The following INPP5A variants were observed in gnomAD, a reference collection of about 807,000 sequenced individuals.
INPP5A encodes the protein 43 kDa inositol polyphosphate 5-phophatase.
In INPP5A, 14 loss-of-function variants were observed where a neutral mutation model predicts 65.2. The ratio of observed to expected loss-of-function variants is 0.21; its 90% CI spans 0.14 to 0.34. INPP5A has a LOEUF of 0.34. Ranked by LOEUF, INPP5A falls within the 10% of genes least tolerant of loss-of-function variation. INPP5A has a pLI of 1.00. For missense variants in INPP5A, 431 were observed against 545.6 expected, an observed-to-expected ratio of 0.79 and a Z score of 2.09; for synonymous variants, 207 against 208.3, an observed-to-expected ratio of 0.99 and a Z score of 0.05.
At chr10:132,573,099 T>TGC (rs1733051652) in intron 1 of INPP5A, among the ~76,000 whole-genome samples, 1 of 139,698 alleles carries the variant, frequency 7.2e-6, no homozygotes, top group African/African-American at 2.8e-5. Context: ...GAGGTTTTGT[T>TGC]GATGTTGAGG....
At position 132,545,356 on chromosome 10, in the gene INPP5A, C is replaced by T. The variant is rs963571846; in HGVS notation, c.75+7185C>T. ...GGCATTCGGAAGACTTTGACCAGAT[C>T]GGGGCGGCTGAGGGGGCTGCCTACG... On this transcript the variant is annotated intron_variant, in intron 1 of 15. Transcript: ENST00000368594. This position sits in a 1 kb window ranked among gnomAD's most constrained non-coding sequence, Gnocchi z 4.6. Among the ~76,000 whole-genome samples the T allele has an allele frequency of 1.3e-5, 2 of 152,128 alleles. No individual in the cohort carries two copies. The highest frequency in any genetic ancestry group is 2.9e-5 in the Non-Finnish European group (2 of 68,032).
intron 6 of INPP5A, 89 bp from the exon 7 acceptor site, chr10:132,708,224 C>A (rs1413139218): frequency 3.5e-5 from 41 of 1,156,222 alleles, no homozygotes; most frequent in Non-Finnish European, 5.0e-5. Context: ...GTTTGGAAAG[C>A]ATCTCCTGTG....
At position 132,756,716 on chromosome 10, in the gene INPP5A, CCTT is replaced by C. The variant is rs138559859; in HGVS notation, c.903+6874_903+6876del. 2.8e-3 allele frequency among the ~76,000 whole-genome samples: 429 copies of C among 152,348 alleles called. 7 individuals are homozygous for C. Among genetic ancestry groups the C allele is most frequent in the African/African-American group, 8.6e-3 (357 of 41,574 alleles). The stretch of plus-strand genomic sequence containing the variant: ...CTTCTTACCATTACTGTAATGCACT[CCTT>C]CTACTTAATAAAAAAAGGTACCTGT... On this transcript the variant is annotated intron_variant, in intron 11 of 15. Transcript: ENST00000368594.
At chr10:132,671,728 T>C (rs555703964) in intron 4 of INPP5A, among the ~76,000 whole-genome samples, 39 of 152,212 alleles carry the variant, frequency 2.6e-4, no homozygotes, top group Non-Finnish European at 4.9e-4. Context: ...GTGCCACCCA[T>C]GCAGGGATCA....
At chr10:132,617,286 G>A (rs1314739661) in intron 2 of INPP5A, among the ~76,000 whole-genome samples, 2 of 152,282 alleles carry the variant, frequency 1.3e-5, no homozygotes, top group East Asian at 1.9e-4. Flanking sequence ...CAGAGCTCCT[G>A]TGCAGTGTGG....
At chr10:132,638,778 G>A (rs1033945562) in intron 2 of INPP5A, among the ~76,000 whole-genome samples, 3 of 152,106 alleles carry the variant, frequency 2.0e-5, no homozygotes, top group Admixed American at 6.5e-5. Flanking sequence ...ATGTTGGCCA[G>A]GCTGGTCTCG....
intron 2 of INPP5A, among the ~76,000 whole-genome samples, chr10:132,615,206 C>T (rs1475060619): frequency 6.6e-6 from 1 of 152,262 alleles, no homozygotes; most frequent in East Asian, 1.9e-4. Flanking sequence ...GAATTCCCAG[C>T]ACTGTCTCGT....
At chr10:132,638,182 T>C (rs2072381499) in intron 2 of INPP5A, among the ~76,000 whole-genome samples, 1 of 152,214 alleles carries the variant, frequency 6.6e-6, no homozygotes, top group Admixed American at 6.5e-5. Flanking sequence ...TTCTCTCTCT[T>C]TTTAGAAATA....
chr10:132,650,189 C>T lies in INPP5A; in HGVS notation c.219-229C>T, dbSNP rs776073300. 6.6e-6 allele frequency among the ~76,000 whole-genome samples: 1 copy of T among 152,210 alleles called. No individual in the cohort carries two copies. Among genetic ancestry groups the T allele is most frequent in the Non-Finnish European group, 1.5e-5 (1 of 68,032 alleles). Reference sequence around the variant, plus strand: ...TCAGACCCCGGCATCTCACAGGCTGCGTGGAGACCAGAGCCTGTGGGAGCT... The same window carrying T: ...TCAGACCCCGGCATCTCACAGGCTGTGTGGAGACCAGAGCCTGTGGGAGCT... On this transcript the variant is annotated intron_variant, in intron 3 of 15. Coordinates refer to ENST00000368594, the MANE Select transcript of INPP5A (RefSeq NM_005539.5). The surrounding 1 kb of genome is among the most constrained non-coding windows in gnomAD (Gnocchi z 5.5).
intron 12 of INPP5A, among the ~76,000 whole-genome samples, chr10:132,769,439 G>A (rs1426725911): frequency 2.0e-5 from 3 of 152,256 alleles, no homozygotes; most frequent in African/African-American, 7.2e-5. Context: ...GGGACCCTGA[G>A]CTGTAAGATG....
At chr10:132,777,995 C>G (rs1295885986) in intron 13 of INPP5A, 1 of 1,340,114 alleles carries the variant, frequency 7.5e-7, no homozygotes, top group African/African-American at 1.5e-5. Context: ...CAGATGGAGC[C>G]GAGTTCCTGG....
intron 8 of INPP5A, among the ~76,000 whole-genome samples, chr10:132,722,525 G>A (rs1454716994): frequency 2.6e-5 from 4 of 152,212 alleles, no homozygotes; most frequent in Admixed American, 1.3e-4. Flanking sequence ...CAGCAGCCTC[G>A]CGCCCGGTTC....
intron 6 of INPP5A, among the ~76,000 whole-genome samples, chr10:132,699,518 C>G (rs574621952): frequency 4.2e-4 from 64 of 152,290 alleles, no homozygotes; most frequent in African/African-American, 1.5e-3. Context: ...CGTGGCCGGA[C>G]CAGGTGCTGC....
At position 132,650,551 on chromosome 10, in the gene INPP5A, T is replaced by TC; in HGVS notation, c.306+46_306+47insC. ...GGTGCAGGGGTCAGACAGGCTGGCC[T>TC]TGGCAGAAGCCAGCCCTTCTCCTGT... On this transcript the variant is annotated intron_variant, in intron 4 of 15. Coordinates refer to ENST00000368594, the MANE Select transcript of INPP5A (RefSeq NM_005539.5). The surrounding 1 kb of genome is among the most constrained non-coding windows in gnomAD (Gnocchi z 5.5). 5 of 1,393,372 alleles carry TC rather than the reference T, an allele frequency of 3.6e-6. No individual in the cohort carries two copies. The highest frequency in any genetic ancestry group is 5.1e-6 in the Non-Finnish European group (5 of 982,854). The allele number at this position is 1,393,372 out of a possible 1,614,324, so 86.3% of individuals were successfully genotyped here.
chr10:132,630,433 T>TGAGGG (rs1273443835), intron 2 of INPP5A, among the ~76,000 whole-genome samples: 1 of 151,604 alleles, frequency 6.6e-6, no homozygotes, highest in Non-Finnish European at 1.5e-5. Flanking sequence ...AAGGTGCCCA[T>TGAGGG]GAGGGGAGGG....
Position 132,651,406 on chromosome 10 carries a change from G to A in INPP5A, c.306+901G>A, listed in dbSNP as rs1372615729. ...CTCCCCCGTCTCTGGGGAGGCCCTG[G>A]GTCCCCCGGCCTGGGTCCATCTCCC... On this transcript the variant is annotated intron_variant, in intron 4 of 15. Transcript: ENST00000368594. This position sits in a 1 kb window ranked among gnomAD's most constrained non-coding sequence, Gnocchi z 5.0. Among the ~76,000 whole-genome samples the A allele has an allele frequency of 1.5e-5, 2 of 135,602 alleles. No homozygotes were observed. The highest frequency in any genetic ancestry group is 1.4e-4 in the Admixed American group (2 of 14,008). The allele number at this position is 135,602 out of a possible 152,430, so 89.0% of individuals were successfully genotyped here.
intron 9 of INPP5A, among the ~76,000 whole-genome samples, chr10:132,737,129 C>A (rs1846190694): frequency 1.3e-5 from 2 of 152,260 alleles, no homozygotes; most frequent in African/African-American, 4.8e-5. Context: ...GATGTTCCTG[C>A]ATCGGCTGCA....
At chr10:132,767,594 C>T (rs1014515457) in intron 12 of INPP5A, among the ~76,000 whole-genome samples, 29 of 152,286 alleles carry the variant, frequency 1.9e-4, no homozygotes, top group Middle Eastern at 3.4e-3. Flanking sequence ...CAGGGGATCT[C>T]GGGCTCACAC....
chr10:132,663,788 G>A lies in INPP5A; in HGVS notation c.306+13283G>A, dbSNP rs1158574483. Among the ~76,000 whole-genome samples, 1 of 152,174 alleles carries A rather than the reference G, an allele frequency of 6.6e-6. No individual in the cohort carries two copies. The stretch of plus-strand genomic sequence containing the variant: ...GAGCAGATTCGCCCCTAGGGGTGAA[G>A]TCATCTCGCTCCTCTTCTGAGCCGT... On this transcript the variant is annotated intron_variant, in intron 4 of 15. Transcript: ENST00000368594. The surrounding 1 kb of genome is among the most constrained non-coding windows in gnomAD (Gnocchi z 4.5).
Sources: allele counts gnomAD v4.1 joint callset (sites outside exome capture counted in the v4.1 genomes callset), GRCh38; gene constraint gnomAD v4.1.1; non-coding constraint Gnocchi (gnomAD v3.1); transcripts MANE v1.5; gene names NCBI Gene and HGNC (gene_info 2026-07-23, HGNC 2026-07-21).